CNIH3: variants seen among roughly 807,000 people sequenced by gnomAD.
CNIH3 encodes cornichon family AMPA receptor auxiliary protein 3.
CNIH3 carries 14 observed loss-of-function variants against 24.1 expected under a neutral mutation model. The ratio of observed to expected loss-of-function variants is 0.58; its 90% CI spans 0.38 to 0.91. The LOEUF (loss-of-function observed/expected upper bound fraction) is 0.91. Among genes scored for constraint, CNIH3 ranks in the 40% least tolerant of loss-of-function variants. The pLI is 0.00. For missense variants in CNIH3, 178 were observed against 196.8 expected (o/e 0.90, Z 0.57); for synonymous variants, 68 against 73.8 (o/e 0.92, Z 0.40).
At chr1:224,524,506 T>C (rs1048922242) in intron 2 of CNIH3, among the ~76,000 whole-genome samples, 4 of 152,228 alleles carry the variant, frequency 2.6e-5, no homozygotes, top group Non-Finnish European at 4.4e-5. Context: ...TTGATAGATA[T>C]CTGTATGACC....
chr1:224,500,091 C>T (rs191329654), intron 1 of CNIH3, among the ~76,000 whole-genome samples: 163 of 151,964 alleles, frequency 1.1e-3, no homozygotes, highest in Non-Finnish European at 1.1e-3. Context: ...GTAGCCTTGA[C>T]CTCCTGGGCT....
Position 224,644,269 on chromosome 1 carries a change from G to A in CNIH3, c.81+27014G>A, listed in dbSNP as rs1684494150. On this transcript the variant is annotated intron_variant, in intron 1 of 5. Coordinates refer to ENST00000272133, the MANE Select transcript of CNIH3 (RefSeq NM_152495.2). ...TCTGTCTTCCAGGCTGGAGTGCAGT[G>A]GCACAGTCATGGCTCACTGCAGCCT... is the stretch of plus-strand genomic sequence containing the variant. Among the ~76,000 whole-genome samples, 3 of 152,140 alleles carry A rather than the reference G, an allele frequency of 2.0e-5. No individual in the cohort carries two copies. In the South Asian group the frequency reaches 6.2e-4, roughly 32 times the overall value.
chr1:224,630,823 G>T (rs1683781985), intron 1 of CNIH3, among the ~76,000 whole-genome samples: 2 of 152,122 alleles, frequency 1.3e-5, no homozygotes, highest in Admixed American at 1.3e-4. Flanking sequence ...TGAGTGAGGT[G>T]GGTGGTTTCT....
chr1:224,561,173 T>G (rs563922177), intron 3 of CNIH3, among the ~76,000 whole-genome samples: 2 of 152,320 alleles, frequency 1.3e-5, no homozygotes, highest in East Asian at 3.9e-4. Context: ...TTTCCCACTT[T>G]TGTTTGTCTT....
At chr1:224,623,969 TC>T (rs1683400627) in intron 1 of CNIH3, among the ~76,000 whole-genome samples, 1 of 152,302 alleles carries the variant, frequency 6.6e-6, no homozygotes, top group Admixed American at 6.5e-5. Context: ...TCTCACCACA[TC>T]CTGCCTGCCG....
At chr1:224,517,167 C>G (rs1678423367) in intron 1 of CNIH3, among the ~76,000 whole-genome samples, 1 of 152,110 alleles carries the variant, frequency 6.6e-6, no homozygotes. Context: ...CTCTCTTGAC[C>G]TGATGGAGGT....
At chr1:224,725,835 CT>C (rs1433618361) in intron 3 of CNIH3, among the ~76,000 whole-genome samples, 1 of 152,198 alleles carries the variant, frequency 6.6e-6, no homozygotes, top group Non-Finnish European at 1.5e-5. Context: ...CTTCCTACTT[CT>C]TTTCCTTTAG....
At chr1:224,507,887 G>C (rs1677983244) in intron 1 of CNIH3, among the ~76,000 whole-genome samples, 1 of 152,236 alleles carries the variant, frequency 6.6e-6, no homozygotes, top group Admixed American at 6.5e-5. Flanking sequence ...CTCAGGAATG[G>C]TGTTTGTATT....
intron 1 of CNIH3, among the ~76,000 whole-genome samples, chr1:224,500,048 G>C (rs1386991076): frequency 6.6e-6 from 1 of 151,690 alleles, no homozygotes; most frequent in African/African-American, 2.4e-5. Flanking sequence ...GTGTCTCCTA[G>C]GCTGAAGTGT....
At chr1:224,476,983 G>A (rs1676613495) in intron 1 of CNIH3, among the ~76,000 whole-genome samples, 1 of 152,162 alleles carries the variant, frequency 6.6e-6, no homozygotes, top group Non-Finnish European at 1.5e-5. Context: ...GCCTCACCCT[G>A]CTCCCAAGCA....
At chr1:224,503,592 G>T (rs1451764063) in intron 1 of CNIH3, among the ~76,000 whole-genome samples, 1 of 152,198 alleles carries the variant, frequency 6.6e-6, no homozygotes, top group African/African-American at 2.4e-5. Flanking sequence ...AGCTGCTCAG[G>T]CCTGCACAGG....
At chr1:224,602,134 C>T (rs1682234869) in intron 3 of CNIH3, among the ~76,000 whole-genome samples, 1 of 152,152 alleles carries the variant, frequency 6.6e-6, no homozygotes, top group African/African-American at 2.4e-5. Context: ...TTATGTGAAA[C>T]CATTTCACAG....
At chr1:224,583,386 C>T (rs1681359662) in intron 5 of CNIH3, 1 of 152,222 alleles carries the variant, frequency 6.6e-6, no homozygotes, top group Non-Finnish European at 1.5e-5. Context: ...GAAATGTCAA[C>T]CAGAGTGGAC....
chr1:224,524,375 G>A lies in CNIH3; in HGVS notation n.343+3048G>A, dbSNP rs532170156. ...GTTTCCCCTTCTCATTTCCAAATGGGAAATTCTGTTATATTCTGCTATTTT... is the reference window on the plus strand; with the variant it reads ...GTTTCCCCTTCTCATTTCCAAATGGAAAATTCTGTTATATTCTGCTATTTT... On this transcript the variant is annotated intron_variant and non_coding_transcript_variant, in intron 2 of 2. Transcript: ENST00000470602. Among the ~76,000 whole-genome samples, 5 of 152,306 alleles carry A rather than the reference G, an allele frequency of 3.3e-5. No individual in the cohort carries two copies. The South Asian group carries it at 1.0e-3, about 32-fold the overall frequency.
At chr1:224,570,412 T>C (rs9803747) in intron 4 of CNIH3, among the ~76,000 whole-genome samples, 5,293 of 152,244 alleles carry the variant, frequency 0.035, 300 homozygotes, top group African/African-American at 0.12. Context: ...AGTGAGAACA[T>C]GCGATATTCG....
chr1:224,593,365 C>T (rs1681844708), downstream of CNIH3, among the ~76,000 whole-genome samples: 1 of 152,078 alleles, frequency 6.6e-6, no homozygotes, highest in African/African-American at 2.4e-5. Flanking sequence ...TGCTGATTTG[C>T]TGCATCCGGT....
intron 1 of CNIH3, among the ~76,000 whole-genome samples, chr1:224,477,862 A>G (rs939511670): frequency 3.9e-5 from 6 of 152,106 alleles, no homozygotes; most frequent in Non-Finnish European, 8.8e-5. Flanking sequence ...TATTGATGAA[A>G]TCCCTTAGTT....
At chr1:224,651,948 G>T (rs529866903) in intron 1 of CNIH3, among the ~76,000 whole-genome samples, 3 of 152,208 alleles carry the variant, frequency 2.0e-5, no homozygotes, top group Non-Finnish European at 2.9e-5. Flanking sequence ...ATGGGTGGGG[G>T]CTCCTTTTTC....
At chr1:224,718,360 T>G (rs1447953821) in intron 3 of CNIH3, among the ~76,000 whole-genome samples, 1 of 151,960 alleles carries the variant, frequency 6.6e-6, no homozygotes, top group Admixed American at 6.6e-5. Flanking sequence ...ACATGCTGGG[T>G]TTGAGGAACA....
Sources: allele counts gnomAD v4.1 joint callset (sites outside exome capture counted in the v4.1 genomes callset), GRCh38; gene constraint gnomAD v4.1.1; transcripts MANE v1.5; gene names NCBI Gene and HGNC (gene_info 2026-07-23, HGNC 2026-07-21).